DUSP10: variants seen among roughly 807,000 people sequenced by gnomAD.
DUSP10 encodes dual specificity protein phosphatase 10.
A neutral mutation model predicts 30.8 loss-of-function variants in DUSP10; 14 were observed. The observed-to-expected ratio is 0.46, with a 90% CI of 0.30 to 0.71. The LOEUF (loss-of-function observed/expected upper bound fraction) is 0.71. Among genes scored for constraint, DUSP10 ranks in the 30% least tolerant of loss-of-function variants. DUSP10 has a pLI of 0.08. For synonymous variants in DUSP10, 254 were observed against 250.4 expected (o/e 1.01, Z -0.14); for missense variants, 550 against 619.4 (o/e 0.89, Z 1.19).
intron 2 of DUSP10, among the ~76,000 whole-genome samples, chr1:221,714,054 G>A (rs1036482176): frequency 5.3e-5 from 8 of 151,920 alleles, no homozygotes; most frequent in Non-Finnish European, 1.0e-4. Context: ...ATTTAGTAAT[G>A]TTTTAAGAGA....
chr1:221,719,601 A>T (rs539064577), intron 2 of DUSP10, among the ~76,000 whole-genome samples: 1 of 152,330 alleles, frequency 6.6e-6, no homozygotes, highest in African/African-American at 2.4e-5. Context: ...CATGGACTTG[A>T]GGCTAAGTGA....
intron 2 of DUSP10, among the ~76,000 whole-genome samples, chr1:221,724,478 T>C (rs867281162): frequency 6.6e-6 from 1 of 152,206 alleles, no homozygotes; most frequent in Non-Finnish European, 1.5e-5. Context: ...ATATTTTACA[T>C]TATTTTCTAT....
chr1:221,729,442 G>A (rs1321719418), intron 2 of DUSP10, among the ~76,000 whole-genome samples: 3 of 152,076 alleles, frequency 2.0e-5, no homozygotes, highest in Non-Finnish European at 4.4e-5. Flanking sequence ...AAAGAATTTG[G>A]GCTTTGAAAT....
chr1:221,706,385 C>A lies in DUSP10; in HGVS notation c.893G>T (p.Gly298Val). 3 of 1,580,360 alleles carry A rather than the reference C, an allele frequency of 1.9e-6. No individual in the cohort carries two copies. The highest frequency in any genetic ancestry group is 2.6e-6 in the Non-Finnish European group (3 of 1,160,564). The stretch of plus-strand genomic sequence containing the variant: ...CAAGCTCGAGGCCGCGGATGCGCCG[C>A]CCCCCACCTCCCGGCACTCTTGGAG... ...LQLQECREVG[G>V]GASAASSLLP... The change falls in exon 3 of 4, where the codon GGC becomes GTC. Residue 298 changes from glycine to valine, a missense_variant. Coordinates refer to ENST00000366899, the MANE Select transcript of DUSP10 (RefSeq NM_007207.6). This position sits in a 1 kb window ranked among gnomAD's most constrained non-coding sequence, Gnocchi z 4.6.
At chr1:221,712,141 T>A (rs1660955309) in intron 2 of DUSP10, among the ~76,000 whole-genome samples, 1 of 152,204 alleles carries the variant, frequency 6.6e-6, no homozygotes, top group South Asian at 2.1e-4. Context: ...CAGTAGGAAT[T>A]GGGTATTTTA....
chr1:221,706,400 C>A lies in DUSP10; in HGVS notation c.878G>T (p.Cys293Phe), dbSNP rs140139532. The A allele has an allele frequency of 2.8e-4, 437 of 1,572,416 alleles. No individual in the cohort carries two copies. Among genetic ancestry groups the A allele is most frequent in the Non-Finnish European group, 3.4e-4 (392 of 1,157,392 alleles). The change falls in exon 3 of 4, where the codon TGC (cysteine) becomes TTC (phenylalanine). Residue 293 changes from cysteine (C) to phenylalanine (F), a missense_variant. Cys to Phe is a radical substitution (Grantham distance 205, BLOSUM62 -2). Transcript: ENST00000366899. This position sits in a 1 kb window ranked among gnomAD's most constrained non-coding sequence, Gnocchi z 4.6. ...GGATGCGCCGCCCCCCACCTCCCGG[C>A]ACTCTTGGAGCTGGAGGGAGTTGTC... ...LCDNSLQLQE[C>F]REVGGGASAA...
intron 2 of DUSP10, among the ~76,000 whole-genome samples, chr1:221,716,890 T>G (rs1661122379): frequency 6.6e-6 from 1 of 152,200 alleles, no homozygotes; most frequent in African/African-American, 2.4e-5. Flanking sequence ...GCCAGTTACA[T>G]TAACACATTT....
chr1:221,716,009 CCTCTCCCTCTT>C (rs953891157), intron 2 of DUSP10, among the ~76,000 whole-genome samples: 16 of 151,422 alleles, frequency 1.1e-4, no homozygotes, highest in African/African-American at 3.4e-4. Context: ...CCTCCCCTCC[CCTCTCCCTCTT>C]CTCTCCCTGT....
At chr1:221,725,354 C>A (rs1477835712) in intron 2 of DUSP10, among the ~76,000 whole-genome samples, 1 of 152,146 alleles carries the variant, frequency 6.6e-6, no homozygotes, top group African/African-American at 2.4e-5. Context: ...GTCTCTGTGT[C>A]TTTTAATAAT....
chr1:221,709,744 G>A (rs1169250425), intron 2 of DUSP10, among the ~76,000 whole-genome samples: 1 of 152,072 alleles, frequency 6.6e-6, no homozygotes, highest in African/African-American at 2.4e-5. Context: ...CTTCTCTTGG[G>A]GAAGGGTTGA....
At chr1:221,737,244 G>A (rs1661803940) in intron 2 of DUSP10, 1 of 985,248 alleles carries the variant, frequency 1.0e-6, no homozygotes, top group African/African-American at 1.7e-5. Flanking sequence ...AGACACAAAA[G>A]ACTTGCTTTT....
At chr1:221,739,902 C>T (rs910718616) in intron 1 of DUSP10, 115 bp from the exon 2 acceptor site, 170 of 1,081,638 alleles carry the variant, frequency 1.6e-4, no homozygotes, top group Middle Eastern at 3.1e-4. Flanking sequence ...GTCCTAATTG[C>T]CCTTTATCAT....
At chr1:221,732,539 A>G (rs1661644499) in intron 2 of DUSP10, among the ~76,000 whole-genome samples, 1 of 152,230 alleles carries the variant, frequency 6.6e-6, no homozygotes, top group Non-Finnish European at 1.5e-5. Context: ...GCTATATATT[A>G]GATTCTGTTG....
rs796559589 is a variant in DUSP10 at position 221,701,636 on chromosome 1, T to C, written c.*776A>G. The C allele has an allele frequency of 6.6e-6, 1 of 151,512 alleles. No homozygotes were observed. Among genetic ancestry groups the C allele is most frequent in the Non-Finnish European group, 1.5e-5 (1 of 67,806 alleles). 9.4% of individuals were successfully genotyped at this position (151,512 alleles called of 1,614,324 possible). On this transcript the variant is annotated 3_prime_UTR_variant, in exon 4 of 4. Transcript: ENST00000366899. ...GGTGGGAAGGAAAGTATTTGATATA[T>C]TGTTGAATTCCTTTCTATCTCCAAG...
At position 221,702,327 on chromosome 1, in the gene DUSP10, A is replaced by G. The variant is rs772881064; in HGVS notation, c.*85T>C. On this transcript the variant is annotated 3_prime_UTR_variant, in exon 4 of 4. Coordinates refer to ENST00000366899, the MANE Select transcript of DUSP10 (RefSeq NM_007207.6). This position sits in a 1 kb window ranked among gnomAD's most constrained non-coding sequence, Gnocchi z 4.5. ...AAACTTACTCCCAACTACAAAAAAA[A>G]AAAGAAAGAAAAAAAACCAGAATCC... 195 of 1,498,858 alleles carry G rather than the reference A, an allele frequency of 1.3e-4. No individual in the cohort carries two copies. The highest frequency in any genetic ancestry group is 1.7e-4 in the Non-Finnish European group (185 of 1,118,876). The allele number at this position is 1,498,858 out of a possible 1,614,324, so 92.8% of individuals were successfully genotyped here. A position where few individuals can be genotyped will look rare whatever the true frequency, so the allele number is the denominator to read the frequency against.
chr1:221,714,807 A>G (rs1661050587), intron 2 of DUSP10, among the ~76,000 whole-genome samples: 1 of 152,110 alleles, frequency 6.6e-6, no homozygotes, highest in East Asian at 1.9e-4. Flanking sequence ...GGTGTGAGAC[A>G]ACGAACCCCG....
At chr1:221,727,031 A>G (rs772501405) in intron 2 of DUSP10, among the ~76,000 whole-genome samples, 2 of 152,198 alleles carry the variant, frequency 1.3e-5, no homozygotes, top group African/African-American at 2.4e-5. Context: ...GAAAAGAGCC[A>G]TTACCCTCCC....
At chr1:221,715,897 G>T (rs1661089064) in intron 2 of DUSP10, among the ~76,000 whole-genome samples, 1 of 151,922 alleles carries the variant, frequency 6.6e-6, no homozygotes, top group African/African-American at 2.4e-5. Flanking sequence ...AGGGCCTTGG[G>T]TTTGGTCTCT....
intron 2 of DUSP10, among the ~76,000 whole-genome samples, chr1:221,710,098 A>G (rs1214181081): frequency 6.6e-6 from 1 of 152,194 alleles, no homozygotes; most frequent in Admixed American, 6.5e-5. Context: ...TGGATGTAAT[A>G]TCATCTACCC....
Sources: gnomAD v4.1 joint callset for allele counts (sites outside exome capture counted in the v4.1 genomes callset) on GRCh38, gnomAD v4.1.1 for gene constraint, Gnocchi (gnomAD v3.1) non-coding constraint, MANE v1.5 for transcripts, NCBI Gene and HGNC (gene_info 2026-07-23, HGNC 2026-07-21) for gene names.